The following CADM4 variants were observed in gnomAD, a reference collection of about 807,000 sequenced individuals.
CADM4 encodes the protein TSLC1-like 2.
In CADM4, 13 loss-of-function variants were observed where a neutral mutation model predicts 43.9. The observed-to-expected ratio is 0.30, with a 90% CI of 0.19 to 0.47. The LOEUF is 0.47. Among genes scored for constraint, CADM4 ranks in the 20% least tolerant of loss-of-function variants. The pLI is 1.00. For missense variants in CADM4, 420 were observed against 527.0 expected (o/e 0.80, Z 1.99); for synonymous variants, 209 against 220.9 (o/e 0.95, Z 0.48).
At chr19:43,637,660 C>T (rs1973720827) in intron 1 of CADM4, among the ~76,000 whole-genome samples, 2 of 152,172 alleles carry the variant, frequency 1.3e-5, no homozygotes, top group African/African-American at 4.8e-5. Flanking sequence ...GTAGACCTAA[C>T]TCCCAGAAGC....
chr19:43,626,307 A>T lies in CADM4; in HGVS notation c.500-19T>A. 1 of 1,606,612 alleles carries T rather than the reference A, an allele frequency of 6.2e-7. No homozygotes were observed. Among genetic ancestry groups the T allele is most frequent in the Non-Finnish European group, 8.5e-7 (1 of 1,178,426 alleles). On this transcript the variant is annotated intron_variant, in intron 4 of 8. Transcript: ENST00000222374. This position sits in a 1 kb window ranked among gnomAD's most constrained non-coding sequence, Gnocchi z 5.9. ...CTCACTCCTGCCACACCCCGGTCAG[A>T]CACTGTCAGGCCACAATTCCGGCTC... is the stretch of plus-strand genomic sequence containing the variant.
rs1355636770 is a variant in CADM4 at position 43,625,857 on chromosome 19, T to C, written c.755+54A>G. 3 of 1,491,048 alleles carry C rather than the reference T, an allele frequency of 2.0e-6. No individual in the cohort carries two copies. The African/African-American group carries it at 4.1e-5, about 21-fold the overall frequency. 92.4% of individuals were successfully genotyped at this position (1,491,048 alleles called of 1,614,324 possible). The stretch of plus-strand genomic sequence containing the variant: ...GAGTCCAAGTCCCTGGTCCCTGTTC[T>C]TCCAGGTCCCCAGCTTTCTCCTCCT... On this transcript the variant is annotated intron_variant, in intron 6 of 8. Coordinates refer to ENST00000222374, the MANE Select transcript of CADM4 (RefSeq NM_145296.2). The surrounding 1 kb of genome is among the most constrained non-coding windows in gnomAD (Gnocchi z 4.5).
rs1485454590 is a variant in CADM4 at position 43,623,900 on chromosome 19, C to A, written c.1057+214G>T. On this transcript the variant is annotated intron_variant, in intron 8 of 8. Coordinates refer to ENST00000222374, the MANE Select transcript of CADM4 (RefSeq NM_145296.2). The surrounding 1 kb of genome is among the most constrained non-coding windows in gnomAD (Gnocchi z 4.4). ...ACAGGCGTGAGCCACCGCGCCCAACCGCAAATCTATGCTTTTAATTCAGCT... is the reference window on the plus strand; with the variant it reads ...ACAGGCGTGAGCCACCGCGCCCAACAGCAAATCTATGCTTTTAATTCAGCT... Among the ~76,000 whole-genome samples, 3 of 152,180 alleles carry A rather than the reference C, an allele frequency of 2.0e-5. No homozygotes were observed. The highest frequency in any genetic ancestry group is 2.9e-5 in the Non-Finnish European group (2 of 68,038).
intron 1 of CADM4, among the ~76,000 whole-genome samples, chr19:43,629,837 G>T (rs1055178087): frequency 6.6e-6 from 1 of 151,878 alleles, no homozygotes; most frequent in Non-Finnish European, 1.5e-5. Flanking sequence ...GGCTGGTCTC[G>T]AACTCCTGGC....
rs924229993 is a variant in CADM4, at chr19:43,623,527, C to G, written c.1058-88G>C. ...AAGTATAAGGGAAGAGGGAGACAGA[C>G]AAGACACATGCCAGGCGAAGGAAGA... is the stretch of plus-strand genomic sequence containing the variant. On this transcript the variant is annotated intron_variant, in intron 8 of 8. Coordinates refer to ENST00000222374, the MANE Select transcript of CADM4 (RefSeq NM_145296.2). This position sits in a 1 kb window ranked among gnomAD's most constrained non-coding sequence, Gnocchi z 4.4. 1 of 830,926 alleles carries G rather than the reference C, an allele frequency of 1.2e-6. No individual in the cohort carries two copies. Among genetic ancestry groups the G allele is most frequent in the African/African-American group, 1.7e-5 (1 of 60,170 alleles). The allele number at this position is 830,926 out of a possible 1,614,324, so 51.5% of individuals were successfully genotyped here. A position where few individuals can be genotyped will look rare whatever the true frequency, so the allele number is the denominator to read the frequency against.
chr19:43,635,452 A>ACCC (rs1221315060), intron 1 of CADM4, among the ~76,000 whole-genome samples: 1 of 150,194 alleles, frequency 6.7e-6, no homozygotes, highest in African/African-American at 2.5e-5. Context: ...CCTCCCTCAG[A>ACCC]AACCTGCAGT....
intron 7 of CADM4, chr19:43,624,814 A>G (rs1424449368): frequency 4.0e-6 from 2 of 504,050 alleles, no homozygotes; most frequent in Non-Finnish European, 7.0e-6. Context: ...TTTAGTTCAC[A>G]TAATCTTCAC....
Position 43,625,214 on chromosome 19 carries a change from A to G in CADM4, c.792T>C (p.Ser264=). The change falls in exon 7 of 9, where the codon TCT becomes TCC. Residue 264 remains serine, a synonymous_variant. Coordinates refer to ENST00000222374, the MANE Select transcript of CADM4 (RefSeq NM_145296.2). This position sits in a 1 kb window ranked among gnomAD's most constrained non-coding sequence, Gnocchi z 4.5. ...NQIRWNRGNE[S]LPERAEAVGE... is the part of the protein sequence containing the mutation. Reference sequence around the variant, plus strand: ...CCACGGCCTCCGCCCTCTCCGGCAAAGACTCATTCCCGCGGTTCCAGCGGA... The same window carrying G: ...CCACGGCCTCCGCCCTCTCCGGCAAGGACTCATTCCCGCGGTTCCAGCGGA... 6.2e-7 allele frequency: 1 copy of G among 1,614,242 alleles called. No homozygotes were observed.
chr19:43,626,355 A>G lies in CADM4; in HGVS notation c.500-67T>C. The G allele has an allele frequency of 6.4e-7, 1 of 1,572,428 alleles. No individual in the cohort carries two copies. The highest frequency in any genetic ancestry group is 8.6e-7 in the Non-Finnish European group (1 of 1,158,940). ...CTCCATCCACCCACCCACCCGAGCC[A>G]ACGCCAAAGCAGGCTATTTGCCAAG... is the stretch of plus-strand genomic sequence containing the variant. On this transcript the variant is annotated intron_variant, in intron 4 of 8. Transcript: ENST00000222374. The surrounding 1 kb of genome is among the most constrained non-coding windows in gnomAD (Gnocchi z 5.9).
chr19:43,622,972 C>CA lies in CADM4; in HGVS notation c.*357dup, dbSNP rs1555776182. Reference sequence around the variant, plus strand: ...CTGTGTTCCCCTTCCCTGCCCCCCCCACCCTTCCCAGAAACTGACCCCCTC... The same window carrying CA: ...CTGTGTTCCCCTTCCCTGCCCCCCCCAACCCTTCCCAGAAACTGACCCCCTC... On this transcript the variant is annotated 3_prime_UTR_variant, in exon 9 of 9. Transcript: ENST00000222374. 6.7e-6 allele frequency: 1 copy of CA among 148,716 alleles called. No individual in the cohort carries two copies. The highest frequency in any genetic ancestry group is 2.6e-5 in the African/African-American group (1 of 38,870). 9.2% of individuals were successfully genotyped at this position (148,716 alleles called of 1,614,324 possible).
chr19:43,639,976 G>T, upstream of CADM4: 1 of 307,814 alleles, frequency 3.2e-6, no homozygotes, highest in Non-Finnish European at 4.7e-6. Context: ...GGACGGCACG[G>T]TGGGGGAACG....
At chr19:43,624,013 A>G in intron 8 of CADM4, 101 bp downstream of exon 8, 1 of 1,459,676 alleles carries the variant, frequency 6.9e-7, no homozygotes, top group Non-Finnish European at 9.3e-7. Flanking sequence ...TTTGGAATCC[A>G]GAGCCTAGGC....
rs754781472 is a variant in CADM4, at chr19:43,624,138, C to T, written c.1033G>A (p.Val345Ile). 1 of 1,614,214 alleles carries T rather than the reference C, an allele frequency of 6.2e-7. No individual in the cohort carries two copies. Among genetic ancestry groups the T allele is most frequent in the African/African-American group, 1.3e-5 (1 of 75,058 alleles). Reference sequence around the variant, plus strand: ...CCCTTCTGCCGTACCGAGCACCAGACCATGCCCACTAGCACACATATGATC... The same window carrying T: ...CCCTTCTGCCGTACCGAGCACCAGATCATGCCCACTAGCACACATATGATC... Reference protein sequence around the residue: ...FLIICVLVGMVWCSVRQKGSY... With the variant: ...FLIICVLVGMIWCSVRQKGSY... The change falls in exon 8 of 9, where the codon GTC (valine) becomes ATC (isoleucine). Residue 345 changes from valine (V) to isoleucine (I), a missense_variant. Transcript: ENST00000222374.
At position 43,623,395 on chromosome 19, in the gene CADM4, C is replaced by T. The variant is rs1272008095; in HGVS notation, c.1102G>A (p.Glu368Lys). The T allele has an allele frequency of 6.2e-7, 1 of 1,614,192 alleles. No homozygotes were observed. Among genetic ancestry groups the T allele is most frequent in the Admixed American group, 1.7e-5 (1 of 60,026 alleles). The change falls in exon 9 of 9, where the codon GAA (glutamate) becomes AAA (lysine). Residue 368 changes from glutamate to lysine, a missense_variant. Glu to Lys is a moderately conservative substitution (Grantham distance 56, BLOSUM62 1). Transcript: ENST00000222374. The surrounding 1 kb of genome is among the most constrained non-coding windows in gnomAD (Gnocchi z 4.4). ...HEASGLDEQG[E>K]AREAFLNGSD... ...CCATTGAGGAAGGCTTCTCTTGCTT[C>T]TCCCTGTTCATCCAAGCCACTGGCT... is the stretch of plus-strand genomic sequence containing the variant.
At chr19:43,639,649 G>C in intron 1 of CADM4, 78 bp downstream of exon 1, 16 of 856,822 alleles carry the variant, frequency 1.9e-5, no homozygotes, top group Non-Finnish European at 2.2e-5. Context: ...GGCCTCTGCG[G>C]CCCCGAGGCT....
rs763213269 is a variant in CADM4, at chr19:43,625,151, A to G, written c.855T>C (p.Asp285=). 1 of 1,613,840 alleles carries G rather than the reference A, an allele frequency of 6.2e-7. No individual in the cohort carries two copies. Among genetic ancestry groups the G allele is most frequent in the Non-Finnish European group, 8.5e-7 (1 of 1,179,958 alleles). The change falls in exon 7 of 9, where the codon GAT becomes GAC. Residue 285 remains aspartate (D), a synonymous_variant. Transcript: ENST00000222374. The surrounding 1 kb of genome is among the most constrained non-coding windows in gnomAD (Gnocchi z 4.5). ...TLTLPGLVSA[D]NGTYTCEASN... ...ACGCCTCGCAAGTGTAGGTGCCGTT[A>G]TCCGCGGATACCAGACCCGGCAGCG...
chr19:43,625,809 G>T lies in CADM4; in HGVS notation c.755+102C>A. 1 of 970,866 alleles carries T rather than the reference G, an allele frequency of 1.0e-6. No individual in the cohort carries two copies. Among genetic ancestry groups the T allele is most frequent in the Non-Finnish European group, 1.6e-6 (1 of 629,296 alleles). 60.1% of individuals were successfully genotyped at this position (970,866 alleles called of 1,614,324 possible). On this transcript the variant is annotated intron_variant, in intron 6 of 8. Coordinates refer to ENST00000222374, the MANE Select transcript of CADM4 (RefSeq NM_145296.2). This position sits in a 1 kb window ranked among gnomAD's most constrained non-coding sequence, Gnocchi z 4.5. ...AGCTCCCTGTTTGTCCAGGTCCTCA[G>T]CTCTCTCCTCCTTAGGACCCAGGAG...
chr19:43,623,533 A>C lies in CADM4; in HGVS notation c.1058-94T>G, dbSNP rs141046750. 1.1e-4 allele frequency: 90 copies of C among 808,390 alleles called. No individual in the cohort carries two copies. The highest frequency in any genetic ancestry group is 1.1e-3 in the African/African-American group (65 of 59,710). 50.1% of individuals were successfully genotyped at this position (808,390 alleles called of 1,614,324 possible). A position where few individuals can be genotyped will look rare whatever the true frequency, so the allele number is the denominator to read the frequency against. Reference sequence around the variant, plus strand: ...AAGGGAAGAGGGAGACAGACAAGACACATGCCAGGCGAAGGAAGAGGGAGA... The same window carrying C: ...AAGGGAAGAGGGAGACAGACAAGACCCATGCCAGGCGAAGGAAGAGGGAGA... On this transcript the variant is annotated intron_variant, in intron 8 of 8. Coordinates refer to ENST00000222374, the MANE Select transcript of CADM4 (RefSeq NM_145296.2). This position sits in a 1 kb window ranked among gnomAD's most constrained non-coding sequence, Gnocchi z 4.4.
chr19:43,634,487 G>A (rs1973673433), intron 1 of CADM4, among the ~76,000 whole-genome samples: 1 of 152,044 alleles, frequency 6.6e-6, no homozygotes, highest in Non-Finnish European at 1.5e-5. Flanking sequence ...GCTTGAGGGT[G>A]CACATGGGGT....
Sources: gnomAD v4.1 joint callset for allele counts (sites outside exome capture counted in the v4.1 genomes callset) on GRCh38, gnomAD v4.1.1 for gene constraint, Gnocchi (gnomAD v3.1) non-coding constraint, MANE v1.5 for transcripts, NCBI Gene and HGNC (gene_info 2026-07-23, HGNC 2026-07-21) for gene names.